HMGA2: variants seen among roughly 807,000 people sequenced by gnomAD.
The protein encoded by HMGA2 is high mobility group AT-hook 2, also known as high mobility group protein HMGI-C.
Under a neutral mutation model 19.1 loss-of-function variants are expected in HMGA2, and 8 were observed. The ratio of observed to expected loss-of-function variants is 0.42; its 90% CI spans 0.25 to 0.76. HMGA2 has a LOEUF of 0.76. Among genes scored for constraint, HMGA2 ranks in the 30% least tolerant of loss-of-function variants. The pLI is 0.28. For missense variants in HMGA2, 109 were observed against 136.3 expected (o/e 0.80, Z 1.00); for synonymous variants, 60 against 48.8 (o/e 1.23, Z -0.96).
At chr12:65,892,473 C>T (rs1480215295) in intron 3 of HMGA2, among the ~76,000 whole-genome samples, 3 of 152,104 alleles carry the variant, frequency 2.0e-5, no homozygotes, top group Non-Finnish European at 2.9e-5. Context: ...TAATTAACAC[C>T]AACTCTGGAC....
chr12:65,932,724 GC>G (rs991656518), intron 3 of HMGA2, among the ~76,000 whole-genome samples: 14 of 152,122 alleles, frequency 9.2e-5, no homozygotes, highest in African/African-American at 3.4e-4. Context: ...ATATGAGAGT[GC>G]TTTTTTAAAT....
intron 3 of HMGA2, among the ~76,000 whole-genome samples, chr12:65,903,511 A>C (rs958557207): frequency 6.6e-6 from 1 of 152,200 alleles, no homozygotes; most frequent in African/African-American, 2.4e-5. Flanking sequence ...TAGTCACAAG[A>C]GCAGAATGAA....
chr12:65,946,998 G>A (rs1176530916), intron 3 of HMGA2, among the ~76,000 whole-genome samples: 1 of 152,036 alleles, frequency 6.6e-6, no homozygotes, highest in African/African-American at 2.4e-5. Flanking sequence ...TTCAATTGTG[G>A]CTGAGCTAGT....
chr12:65,924,407 G>T (rs1168881741), intron 3 of HMGA2, among the ~76,000 whole-genome samples: 1 of 151,944 alleles, frequency 6.6e-6, no homozygotes, highest in African/African-American at 2.4e-5. Flanking sequence ...ATCACCAATT[G>T]TCCTCTGCCT....
intron 3 of HMGA2, among the ~76,000 whole-genome samples, chr12:65,852,135 A>C (rs1021364686): frequency 7.5e-6 from 1 of 134,058 alleles, no homozygotes; most frequent in Non-Finnish European, 1.7e-5. Flanking sequence ...AATAATTTGT[A>C]CAAATAATTT....
intron 3 of HMGA2, chr12:65,934,739 C>T (rs1875835191): frequency 6.6e-6 from 1 of 152,210 alleles, no homozygotes; most frequent in South Asian, 2.1e-4. Context: ...TGAAATCACT[C>T]AACCTAGAGG....
chr12:65,926,978 T>C (rs537339888), intron 3 of HMGA2, among the ~76,000 whole-genome samples: 1 of 152,252 alleles, frequency 6.6e-6, no homozygotes, highest in South Asian at 2.1e-4. Context: ...GCCACTTAAG[T>C]GTAATGGGAG....
At chr12:65,839,889 G>A (rs539991242) in intron 3 of HMGA2, among the ~76,000 whole-genome samples, 13 of 152,160 alleles carry the variant, frequency 8.5e-5, no homozygotes, top group South Asian at 4.2e-4. Context: ...TGTAACTTCC[G>A]TCCACTGTCT....
chr12:65,870,347 C>T (rs1355378797), intron 3 of HMGA2, among the ~76,000 whole-genome samples: 1 of 152,036 alleles, frequency 6.6e-6, no homozygotes, highest in Non-Finnish European at 1.5e-5. Context: ...ATATGTGAAG[C>T]CTTTATTCCA....
At chr12:65,926,850 A>G (rs946137035) in intron 3 of HMGA2, among the ~76,000 whole-genome samples, 2 of 152,166 alleles carry the variant, frequency 1.3e-5, no homozygotes, top group Non-Finnish European at 2.9e-5. Context: ...TGGGTGACAG[A>G]AATGCAGCCT....
At chr12:65,855,458 T>TCTCACACACACACACA (rs140365204) in intron 3 of HMGA2, among the ~76,000 whole-genome samples, 5 of 140,138 alleles carry the variant, frequency 3.6e-5, no homozygotes, top group African/African-American at 1.4e-4. Context: ...TCTCTCTCTC[T>TCTCACACACACACACA]CACACACACA....
intron 3 of HMGA2, among the ~76,000 whole-genome samples, chr12:65,918,830 T>C (rs1323525288): frequency 6.6e-6 from 1 of 152,228 alleles, no homozygotes; most frequent in Non-Finnish European, 1.5e-5. Context: ...CTTATTTTAT[T>C]AAATACGTAA....
chr12:65,898,937 G>A (rs1022063876), intron 3 of HMGA2, among the ~76,000 whole-genome samples: 2 of 150,636 alleles, frequency 1.3e-5, no homozygotes, highest in African/African-American at 2.4e-5. Context: ...CCAGCTACTC[G>A]AGAGGCTGAG....
intron 3 of HMGA2, among the ~76,000 whole-genome samples, chr12:65,888,857 C>T (rs1873786504): frequency 6.8e-6 from 1 of 147,868 alleles, no homozygotes; most frequent in African/African-American, 2.5e-5. Context: ...GCCACGGCGC[C>T]CGGCCCCGTG....
chr12:65,917,155 G>A (rs933752844), intron 3 of HMGA2, among the ~76,000 whole-genome samples: 3 of 152,078 alleles, frequency 2.0e-5, no homozygotes, highest in East Asian at 1.9e-4. Context: ...GGAGCCCCTG[G>A]CTGAACCCCA....
chr12:65,917,428 G>C (rs1308954789), intron 3 of HMGA2, among the ~76,000 whole-genome samples: 2 of 152,174 alleles, frequency 1.3e-5, no homozygotes, highest in African/African-American at 4.8e-5. Flanking sequence ...ATCTGGATCT[G>C]GTCTGGATTG....
chr12:65,875,659 C>T (rs1264230903), intron 3 of HMGA2, among the ~76,000 whole-genome samples: 1 of 120,426 alleles, frequency 8.3e-6, no homozygotes, highest in African/African-American at 3.1e-5. Flanking sequence ...CCAAGTTGGC[C>T]AGGCTGGCCT....
At chr12:65,921,623 A>G (rs1875314839) in intron 3 of HMGA2, among the ~76,000 whole-genome samples, 1 of 152,342 alleles carries the variant, frequency 6.6e-6, no homozygotes, top group South Asian at 2.1e-4. Context: ...AGAAAAGAAA[A>G]AAATCTCATT....
intron 3 of HMGA2, among the ~76,000 whole-genome samples, chr12:65,897,621 G>A (rs1354017517): frequency 6.6e-6 from 1 of 152,206 alleles, no homozygotes; most frequent in Admixed American, 6.5e-5. Flanking sequence ...GGAATGTTAG[G>A]TTAAGGGAGG....
Sources: gnomAD v4.1 joint callset for allele counts (sites outside exome capture counted in the v4.1 genomes callset) on GRCh38, gnomAD v4.1.1 for gene constraint, MANE v1.5 for transcripts, NCBI Gene and HGNC (gene_info 2026-07-23, HGNC 2026-07-21) for gene names.